The following TXNDC16 variants were observed in gnomAD, a reference collection of about 807,000 sequenced individuals.
The protein encoded by TXNDC16 is thioredoxin domain containing 16.
In TXNDC16, 74 loss-of-function variants were observed where a neutral mutation model predicts 85.6. The ratio of observed to expected loss-of-function variants is 0.86; its 90% CI spans 0.72 to 1.05. The LOEUF is 1.05. Ranked by LOEUF, TXNDC16 falls within the 50% of genes least tolerant of loss-of-function variation. The pLI, the probability that TXNDC16 is intolerant of heterozygous loss-of-function variation, is 0.00. For synonymous variants in TXNDC16, 335 were observed against 326.5 expected (o/e 1.03, Z -0.28); for missense variants, 959 against 947.0 (o/e 1.01, Z -0.17).
At chr14:52,535,421 T>C (rs1417984091) in intron 6 of TXNDC16, among the ~76,000 whole-genome samples, 3 of 152,162 alleles carry the variant, frequency 2.0e-5, no homozygotes, top group African/African-American at 7.2e-5. Flanking sequence ...CTGGAACATT[T>C]GTAAAGTGAT....
At chr14:52,543,232 C>T (rs1045159548) in intron 3 of TXNDC16, among the ~76,000 whole-genome samples, 166 bp downstream of exon 3, 28 of 152,232 alleles carry the variant, frequency 1.8e-4, no homozygotes, top group African/African-American at 6.7e-4. Flanking sequence ...CAAGGTCACA[C>T]CACAGGACAA....
intron 16 of TXNDC16, among the ~76,000 whole-genome samples, chr14:52,460,445 G>A (rs1168857003): frequency 2.6e-5 from 4 of 152,150 alleles, no homozygotes; most frequent in African/African-American, 7.2e-5. Context: ...TCGTATGAAA[G>A]TCAAAGAAGG....
intron 6 of TXNDC16, among the ~76,000 whole-genome samples, chr14:52,520,644 A>G (rs1465336826): frequency 1.3e-5 from 2 of 152,162 alleles, no homozygotes; most frequent in South Asian, 2.1e-4. Flanking sequence ...AAAAATAAAT[A>G]AAGTTGTCTA....
chr14:52,437,199 A>C (rs2035049434), intron 20 of TXNDC16, among the ~76,000 whole-genome samples: 1 of 152,154 alleles, frequency 6.6e-6, no homozygotes, highest in Admixed American at 6.5e-5. Context: ...ATTCTGGGCC[A>C]AGATCTATTT....
chr14:52,501,780 G>C (rs1489711706), intron 9 of TXNDC16, among the ~76,000 whole-genome samples: 1 of 152,112 alleles, frequency 6.6e-6, no homozygotes, highest in Non-Finnish European at 1.5e-5. Flanking sequence ...TCCTATAAAA[G>C]TGTTTGGCGT....
At chr14:52,504,507 G>A (rs926967337) in intron 9 of TXNDC16, among the ~76,000 whole-genome samples, 2 of 152,110 alleles carry the variant, frequency 1.3e-5, no homozygotes, top group Non-Finnish European at 2.9e-5. Context: ...ATACTTTACA[G>A]ACAAGCAAAT....
intron 14 of TXNDC16, 59 bp downstream of exon 14, chr14:52,482,171 T>C (rs1450329191): frequency 6.9e-7 from 1 of 1,457,860 alleles, no homozygotes; most frequent in Admixed American, 2.2e-5. Flanking sequence ...ATGACATAGT[T>C]TTACAAATAG....
chr14:52,529,932 T>A (rs1363404441), intron 6 of TXNDC16, among the ~76,000 whole-genome samples: 5 of 106,000 alleles, frequency 4.7e-5, no homozygotes, highest in African/African-American at 1.6e-4. Context: ...ATTATATATA[T>A]TATATATATG....
intron 6 of TXNDC16, among the ~76,000 whole-genome samples, chr14:52,523,837 AG>A (rs2140198900): frequency 6.6e-6 from 1 of 152,326 alleles, no homozygotes; most frequent in South Asian, 2.1e-4. Flanking sequence ...ACAACCAAAA[AG>A]TAAAACTTCC....
chr14:52,507,767 A>G (rs887005441), intron 9 of TXNDC16, among the ~76,000 whole-genome samples: 8 of 152,262 alleles, frequency 5.3e-5, no homozygotes, highest in African/African-American at 1.7e-4. Flanking sequence ...CCGCATATCT[A>G]TAAGTATCTG....
At chr14:52,539,328 T>C (rs2037776336) in intron 4 of TXNDC16, among the ~76,000 whole-genome samples, 1 of 152,110 alleles carries the variant, frequency 6.6e-6, no homozygotes, top group African/African-American at 2.4e-5. Context: ...AGATGAGTTC[T>C]AAGCAGAGGG....
At chr14:52,533,782 T>A (rs535944318) in intron 6 of TXNDC16, among the ~76,000 whole-genome samples, 2 of 152,120 alleles carry the variant, frequency 1.3e-5, no homozygotes, top group African/African-American at 4.8e-5. Context: ...CACTTCTTTA[T>A]GGACCCATGG....
chr14:52,525,382 C>T (rs138572359), intron 6 of TXNDC16, among the ~76,000 whole-genome samples: 1 of 152,022 alleles, frequency 6.6e-6, no homozygotes, highest in Non-Finnish European at 1.5e-5. Flanking sequence ...ATAAATTGCT[C>T]ATATTCTCAA....
intron 16 of TXNDC16, among the ~76,000 whole-genome samples, chr14:52,460,116 T>C (rs1283530088): frequency 2.6e-5 from 4 of 152,282 alleles, no homozygotes; most frequent in Non-Finnish European, 4.4e-5. Flanking sequence ...GGCTCACTCC[T>C]GTAATCTCAG....
At chr14:52,529,477 A>C (rs2037424180) in intron 6 of TXNDC16, among the ~76,000 whole-genome samples, 1 of 126,888 alleles carries the variant, frequency 7.9e-6, no homozygotes, top group African/African-American at 3.2e-5. Flanking sequence ...TATAATAATA[A>C]AAAGAAAAAA....
At chr14:52,514,110 C>T (rs2037021917) in intron 8 of TXNDC16, among the ~76,000 whole-genome samples, 1 of 152,134 alleles carries the variant, frequency 6.6e-6, no homozygotes, top group Admixed American at 6.6e-5. Context: ...TAGAAACTTT[C>T]TTCTCTGCCT....
intron 16 of TXNDC16, among the ~76,000 whole-genome samples, chr14:52,465,174 C>A (rs1193643781): frequency 1.3e-5 from 2 of 152,022 alleles, no homozygotes; most frequent in Non-Finnish European, 2.9e-5. Flanking sequence ...AATGCTAGAC[C>A]AGTGGGGTCC....
chr14:52,501,595 T>C (rs975168123), intron 9 of TXNDC16, among the ~76,000 whole-genome samples: 19 of 152,192 alleles, frequency 1.2e-4, no homozygotes. Context: ...TATGAGAGAA[T>C]AAGAATAAAG....
intron 6 of TXNDC16, among the ~76,000 whole-genome samples, chr14:52,531,658 G>A (rs1326703849): frequency 6.6e-6 from 1 of 152,162 alleles, no homozygotes; most frequent in Non-Finnish European, 1.5e-5. Flanking sequence ...GGGGAGAGAG[G>A]AAGGGATGAA....
Sources: gnomAD v4.1 joint callset for allele counts (sites outside exome capture counted in the v4.1 genomes callset) on GRCh38, gnomAD v4.1.1 for gene constraint, MANE v1.5 for transcripts, NCBI Gene and HGNC (gene_info 2026-07-23, HGNC 2026-07-21) for gene names.